KYNU: variants seen among roughly 807,000 people sequenced by gnomAD.
KYNU encodes kynureninase.
In KYNU, 54 loss-of-function variants were observed where a neutral mutation model predicts 59.2. The observed-to-expected ratio is 0.91, with a 90% CI of 0.73 to 1.14. The LOEUF (loss-of-function observed/expected upper bound fraction) is 1.14. Among genes scored for constraint, KYNU ranks in the 50% most tolerant of loss-of-function variants. KYNU has a pLI of 0.00. For synonymous variants in KYNU, 177 were observed against 192.0 expected, an observed-to-expected ratio of 0.92 and a Z score of 0.65; for missense variants, 567 against 554.4, an observed-to-expected ratio of 1.02 and a Z score of -0.23.
At chr2:142,890,862 C>T (rs548441395) in intron 2 of KYNU, among the ~76,000 whole-genome samples, 2 of 152,076 alleles carry the variant, frequency 1.3e-5, no homozygotes, top group South Asian at 2.1e-4. Flanking sequence ...CTTAGACAAC[C>T]GTTGGAGATA....
At chr2:142,885,303 C>A in intron 1 of KYNU, 46 bp from the exon 2 acceptor site, 2 of 1,519,940 alleles carry the variant, frequency 1.3e-6, no homozygotes, top group South Asian at 1.1e-5. Flanking sequence ...TCATTTTCTA[C>A]AGGAAAATTA....
At chr2:143,033,508 T>TC (rs1366897450) in intron 12 of KYNU, among the ~76,000 whole-genome samples, 187 bp downstream of exon 12, 39 of 152,336 alleles carry the variant, frequency 2.6e-4, no homozygotes, top group Non-Finnish European at 1.5e-5. Flanking sequence ...TTCATTCATG[T>TC]CACCAGCCCC....
At chr2:142,966,972 A>G (rs1009836074) in intron 8 of KYNU, among the ~76,000 whole-genome samples, 1 of 140,162 alleles carries the variant, frequency 7.1e-6, no homozygotes, top group Non-Finnish European at 1.6e-5. Flanking sequence ...GTTCCACACT[A>G]GAATTAAAAA....
chr2:142,942,132 A>G (rs1683620177), intron 4 of KYNU, among the ~76,000 whole-genome samples: 1 of 147,170 alleles, frequency 6.8e-6, no homozygotes, highest in Admixed American at 7.1e-5. Flanking sequence ...AGCCATGATC[A>G]TGCTGCTGCA....
chr2:142,911,754 A>C (rs1682486827), intron 2 of KYNU, among the ~76,000 whole-genome samples: 1 of 152,120 alleles, frequency 6.6e-6, no homozygotes, highest in Non-Finnish European at 1.5e-5. Flanking sequence ...TTTTATCATG[A>C]AGGGATATTG....
At chr2:142,980,820 T>A (rs1558957296) in intron 8 of KYNU, among the ~76,000 whole-genome samples, 1 of 152,146 alleles carries the variant, frequency 6.6e-6, no homozygotes, top group Non-Finnish European at 1.5e-5. Context: ...ATACTTGATT[T>A]TTATTGAAAA....
intron 10 of KYNU, among the ~76,000 whole-genome samples, chr2:143,003,165 T>C (rs1295191753): frequency 6.6e-6 from 1 of 152,240 alleles, no homozygotes; most frequent in Non-Finnish European, 1.5e-5. Flanking sequence ...CTTTCTAAGA[T>C]GATTTTGTTT....
intron 10 of KYNU, among the ~76,000 whole-genome samples, chr2:143,013,644 C>G (rs1686175105): frequency 6.6e-6 from 1 of 152,170 alleles, no homozygotes; most frequent in Non-Finnish European, 1.5e-5. Context: ...ACATCTGTTT[C>G]TTGAAGGAAA....
rs149131928 is a variant in KYNU, at chr2:142,934,995, C to T, written c.373+7254C>T. ...GCTTCCCTGTTGAGCTGCAGCCCTGCGGGCCTGGTGGAGGTAAGCATTTGA... is the reference window on the plus strand; with the variant it reads ...GCTTCCCTGTTGAGCTGCAGCCCTGTGGGCCTGGTGGAGGTAAGCATTTGA... On this transcript the variant is annotated intron_variant, in intron 4 of 13. Transcript: ENST00000264170. Among the ~76,000 whole-genome samples the T allele has an allele frequency of 5.3e-5, 8 of 152,304 alleles. No homozygotes were observed. In the East Asian group the frequency reaches 7.7e-4, roughly 15 times the overall value.
chr2:142,994,965 C>T (rs1003710870), intron 10 of KYNU, among the ~76,000 whole-genome samples: 1 of 152,050 alleles, frequency 6.6e-6, no homozygotes, highest in Non-Finnish European at 1.5e-5. Context: ...AAACTAGCTA[C>T]AGACAACTTT....
intron 10 of KYNU, among the ~76,000 whole-genome samples, chr2:142,996,339 G>A (rs1685545161): frequency 6.6e-6 from 1 of 152,110 alleles, no homozygotes; most frequent in Non-Finnish European, 1.5e-5. Flanking sequence ...GAAAAAGTTA[G>A]TATGTTTACC....
intron 3 of KYNU, among the ~76,000 whole-genome samples, chr2:142,920,549 G>T (rs549341553): frequency 6.6e-6 from 1 of 152,230 alleles, no homozygotes; most frequent in South Asian, 2.1e-4. Flanking sequence ...AGACTTTAAA[G>T]TTGCATTTCA....
At chr2:142,989,540 TTTC>T (rs1685329364) in intron 10 of KYNU, 3 of 962,318 alleles carry the variant, frequency 3.1e-6, no homozygotes, top group Non-Finnish European at 3.7e-6. Flanking sequence ...CGAAATAACA[TTTC>T]TTCTCATGGT....
chr2:142,960,679 A>T lies in KYNU; in HGVS notation c.638A>T (p.Asp213Val), dbSNP rs1558945554. Residue 213 changes from aspartate to valine, a missense_variant, in exon 8 of 14, where the codon GAC becomes GTC. Asp to Val is a radical substitution (Grantham distance 152). Transcript: ENST00000264170. ...DILEVIEKEG[D>V]SIAVILFSGV... ...CTTGAAGTAATTGAGAAGGAAGGAG[A>T]CTCAATTGCAGTGATCCTGTTCAGT... The T allele has an allele frequency of 6.2e-7, 1 of 1,612,584 alleles. No homozygotes were observed. Among genetic ancestry groups the T allele is most frequent in the Admixed American group, 1.7e-5 (1 of 59,986 alleles).
chr2:143,028,770 C>T (rs867475500), intron 10 of KYNU, among the ~76,000 whole-genome samples: 14 of 151,928 alleles, frequency 9.2e-5, no homozygotes, highest in African/African-American at 3.1e-4. Flanking sequence ...ATTACTTGAA[C>T]CCGGAAGGCG....
intron 4 of KYNU, among the ~76,000 whole-genome samples, chr2:142,943,061 A>G (rs1027309204): frequency 2.0e-5 from 3 of 151,872 alleles, no homozygotes; most frequent in African/African-American, 7.3e-5. Context: ...ACTGCTGATC[A>G]CGAGTTTCAG....
chr2:142,962,290 C>T (rs1373957252), intron 8 of KYNU, among the ~76,000 whole-genome samples: 2 of 152,166 alleles, frequency 1.3e-5, no homozygotes, highest in South Asian at 2.1e-4. Flanking sequence ...TTAATTGTTA[C>T]ACAATCTTGA....
intron 11 of KYNU, among the ~76,000 whole-genome samples, chr2:143,031,919 A>T (rs1286204708): frequency 6.6e-6 from 1 of 152,166 alleles, no homozygotes; most frequent in African/African-American, 2.4e-5. Context: ...AGGCAAAGGG[A>T]AAGCAAGGCA....
intron 2 of KYNU, among the ~76,000 whole-genome samples, chr2:142,895,696 A>G (rs1300258878): frequency 6.6e-6 from 1 of 150,878 alleles, no homozygotes; most frequent in Non-Finnish European, 1.5e-5. Flanking sequence ...TTTTATTTTT[A>G]TTTTTTTAGA....
Sources: allele counts gnomAD v4.1 joint callset (sites outside exome capture counted in the v4.1 genomes callset), GRCh38; gene constraint gnomAD v4.1.1; transcripts MANE v1.5; gene names NCBI Gene and HGNC (gene_info 2026-07-23, HGNC 2026-07-21).